The following PTPRD variants were observed in gnomAD, a reference collection of about 807,000 sequenced individuals.
The protein encoded by PTPRD is receptor-type tyrosine-protein phosphatase delta.
In PTPRD, 34 loss-of-function variants were observed where a neutral mutation model predicts 214.5. That is an observed-to-expected ratio of 0.16 (90% CI 0.12 to 0.21). The LOEUF (loss-of-function observed/expected upper bound fraction) is 0.21, where lower values mean the gene tolerates loss of function less well. PTPRD is among the 10% of genes least tolerant of loss of function. The probability of loss-of-function intolerance (pLI) is 1.00; values close to 1 mark genes in which losing one functional copy is unlikely to be tolerated. For missense variants in PTPRD, 2,545 were observed against 2,398.7 expected (o/e 1.06, Z -1.27); for synonymous variants, 1,128 against 845.7 (o/e 1.33, Z -5.79).
At chr9:8,838,473 T>C (rs1432745603) in intron 11 of PTPRD, among the ~76,000 whole-genome samples, 1 of 152,174 alleles carries the variant, frequency 6.6e-6, no homozygotes. Flanking sequence ...TCAACTAACA[T>C]ACTTTTTAAA....
intron 8 of PTPRD, among the ~76,000 whole-genome samples, chr9:9,496,098 T>C (rs2096174101): frequency 6.6e-6 from 1 of 152,142 alleles, no homozygotes; most frequent in Admixed American, 6.6e-5. Context: ...GCTGTGAGTC[T>C]GGCAAAGGGG....
At chr9:8,837,762 A>T (rs1413509593) in intron 11 of PTPRD, among the ~76,000 whole-genome samples, 1 of 152,124 alleles carries the variant, frequency 6.6e-6, no homozygotes, top group Non-Finnish European at 1.5e-5. Flanking sequence ...TCAGCCTCCC[A>T]AAGTGTTGGG....
At chr9:8,753,609 T>C (rs747253902) in intron 11 of PTPRD, among the ~76,000 whole-genome samples, 15 of 152,258 alleles carry the variant, frequency 9.9e-5, no homozygotes, top group African/African-American at 2.9e-4. Flanking sequence ...ATGATAACTA[T>C]TGAAATAAAT....
chr9:9,363,786 A>AT (rs1310253946), intron 9 of PTPRD, among the ~76,000 whole-genome samples: 1 of 151,254 alleles, frequency 6.6e-6, no homozygotes, highest in African/African-American at 2.4e-5. Context: ...CCATCGATAT[A>AT]TTTTTTTCAT....
chr9:8,964,212 T>TTTTTTTTTTTTTTTTTTTTTTTTTTG lies in PTPRD; in HGVS notation c.-104+54484_-104+54485insCAAAAAAAAAAAAAAAAAAAAAAAAA. 1.4e-5 allele frequency among the ~76,000 whole-genome samples: 2 copies of TTTTTTTTTTTTTTTTTTTTTTTTTTG among 146,348 alleles called. 1 individual carries two copies. Reference sequence around the variant, plus strand: ...GCTGTGTTTTTTTTTTTTTTTTTTTTTTTTTGCTGATTCAATTTTGGAACT... The same window carrying TTTTTTTTTTTTTTTTTTTTTTTTTTG: ...GCTGTGTTTTTTTTTTTTTTTTTTTTTTTTTTTTTTTTTTTTTTTTTTTTTGTTTTTGCTGATTCAATTTTGGAACT... On this transcript the variant is annotated intron_variant, in intron 11 of 45. Coordinates refer to ENST00000381196, the MANE Select transcript of PTPRD (RefSeq NM_002839.4).
chr9:9,386,339 G>A (rs947566816), intron 9 of PTPRD, among the ~76,000 whole-genome samples: 7 of 152,060 alleles, frequency 4.6e-5, no homozygotes, highest in Non-Finnish European at 8.8e-5. Flanking sequence ...AATGAGGTAC[G>A]GCACTGAGAA....
intron 9 of PTPRD, among the ~76,000 whole-genome samples, chr9:9,256,634 G>A (rs569578461): frequency 1.5e-4 from 23 of 151,884 alleles, no homozygotes; most frequent in Admixed American, 3.3e-4. Context: ...TCCTAGCCTC[G>A]GTTCTTTCTA....
At chr9:8,497,450 T>C (rs940769336) in intron 25 of PTPRD, among the ~76,000 whole-genome samples, 182 bp from the exon 26 acceptor site, 1 of 152,212 alleles carries the variant, frequency 6.6e-6, no homozygotes. Context: ...GGAAGTCAAA[T>C]TAAATATCCT....
chr9:10,368,711 A>C (rs1366147185), intron 2 of PTPRD, among the ~76,000 whole-genome samples: 1 of 152,116 alleles, frequency 6.6e-6, no homozygotes, highest in Admixed American at 6.6e-5. Context: ...CAAGTCTAGC[A>C]TAATCTTTTC....
At chr9:8,749,152 C>T (rs933933683) in intron 11 of PTPRD, among the ~76,000 whole-genome samples, 5 of 151,898 alleles carry the variant, frequency 3.3e-5, no homozygotes, top group Admixed American at 6.6e-5. Flanking sequence ...AATTAGGGGC[C>T]CATTGCCCTA....
At chr9:10,521,738 A>T (rs2052361918) in intron 2 of PTPRD, among the ~76,000 whole-genome samples, 1 of 152,180 alleles carries the variant, frequency 6.6e-6, no homozygotes, top group Non-Finnish European at 1.5e-5. Context: ...GCAAGAAATT[A>T]TGACCGACTG....
chr9:9,055,400 C>T (rs1407419472), intron 10 of PTPRD, among the ~76,000 whole-genome samples: 2 of 152,116 alleles, frequency 1.3e-5, no homozygotes, highest in Non-Finnish European at 2.9e-5. Context: ...CTATGTTGAA[C>T]ATGGTCAGTA....
intron 9 of PTPRD, among the ~76,000 whole-genome samples, chr9:9,235,742 T>C (rs1050211179): frequency 6.6e-6 from 1 of 152,214 alleles, no homozygotes; most frequent in Admixed American, 6.5e-5. Context: ...GCCTCCAGAA[T>C]CTTGTCAAGA....
At chr9:10,418,166 T>C (rs1258350958) in intron 2 of PTPRD, among the ~76,000 whole-genome samples, 2 of 151,814 alleles carry the variant, frequency 1.3e-5, no homozygotes, top group East Asian at 1.9e-4. Flanking sequence ...AATGGTATAA[T>C]TATAAACCTT....
chr9:9,089,685 G>C (rs1023506311), intron 10 of PTPRD, among the ~76,000 whole-genome samples: 1 of 152,044 alleles, frequency 6.6e-6, no homozygotes, highest in East Asian at 1.9e-4. Flanking sequence ...CCTGACTGTT[G>C]ATTTTGAGAT....
intron 3 of PTPRD, among the ~76,000 whole-genome samples, chr9:10,130,173 AT>A (rs71321226): frequency 0.41 from 58,270 of 143,724 alleles, 11,978 homozygotes; most frequent in Middle Eastern, 0.51. Context: ...ACTCAAATCT[AT>A]TTTTTTTTTT....
At chr9:8,528,942 C>T (rs865937433) in intron 14 of PTPRD, among the ~76,000 whole-genome samples, 163 bp from the exon 15 acceptor site, 4 of 152,116 alleles carry the variant, frequency 2.6e-5, no homozygotes, top group Admixed American at 1.3e-4. Context: ...TGCTACTGAT[C>T]AGAAGAGTAA....
At chr9:9,702,930 A>C (rs535322710) in intron 7 of PTPRD, among the ~76,000 whole-genome samples, 1 of 152,336 alleles carries the variant, frequency 6.6e-6, no homozygotes, top group East Asian at 1.9e-4. Context: ...ATGGATCTAT[A>C]TATGAGTCTA....
At chr9:10,152,239 T>C (rs1329505771) in intron 3 of PTPRD, among the ~76,000 whole-genome samples, 2 of 152,224 alleles carry the variant, frequency 1.3e-5, no homozygotes, top group African/African-American at 4.8e-5. Context: ...TGTGTAGCTC[T>C]CTCATGGTTT....
Sources: allele counts gnomAD v4.1 joint callset (sites outside exome capture counted in the v4.1 genomes callset), GRCh38; gene constraint gnomAD v4.1.1; transcripts MANE v1.5; gene names NCBI Gene and HGNC (gene_info 2026-07-23, HGNC 2026-07-21).